The following CFAP46 variants were observed in gnomAD, a reference collection of about 807,000 sequenced individuals.
The protein encoded by CFAP46 is cilia- and flagella-associated protein 46.
A neutral mutation model predicts 325.7 loss-of-function variants in CFAP46; 245 were observed. That is an observed-to-expected ratio of 0.75 (90% confidence interval 0.68 to 0.84). CFAP46 has a LOEUF of 0.84. CFAP46 is among the 40% of genes least tolerant of loss of function. The pLI is 0.00. For synonymous variants in CFAP46, 1,523 were observed against 1,495.9 expected, an observed-to-expected ratio of 1.02 and a Z score of -0.42; for missense variants, 3,346 against 3,543.0, an observed-to-expected ratio of 0.94 and a Z score of 1.41.
chr10:132,834,460 TGG>T (rs2135002901), intron 48 of CFAP46, among the ~76,000 whole-genome samples, 192 bp downstream of exon 48: 1 of 152,202 alleles, frequency 6.6e-6, no homozygotes, highest in East Asian at 1.9e-4. Flanking sequence ...CAGTGGGCAG[TGG>T]GCAGTACTCC....
At chr10:132,932,536 C>G (rs372498660) in intron 8 of CFAP46, among the ~76,000 whole-genome samples, 31 of 117,646 alleles carry the variant, frequency 2.6e-4, no homozygotes, top group African/African-American at 1.1e-3. Flanking sequence ...GGGCCTGGGT[C>G]TTCCCACGCT....
At chr10:132,908,326 T>C (rs1268659987) in intron 22 of CFAP46, 142 bp downstream of exon 22, 22 of 1,002,434 alleles carry the variant, frequency 2.2e-5, no homozygotes, top group Non-Finnish European at 4.3e-6. Flanking sequence ...CCCTGATCTG[T>C]GATCGCGGCC....
chr10:132,924,091 G>T (rs1244675566), intron 11 of CFAP46, among the ~76,000 whole-genome samples: 1 of 152,012 alleles, frequency 6.6e-6, no homozygotes, highest in Non-Finnish European at 1.5e-5. Context: ...CTGAGATCAG[G>T]GCTGTGATTC....
intron 18 of CFAP46, 93 bp downstream of exon 18, chr10:132,912,953 G>C: frequency 6.7e-7 from 1 of 1,488,450 alleles, no homozygotes; most frequent in Non-Finnish European, 9.1e-7. Flanking sequence ...CTGGGACACA[G>C]AGGGCCATGG....
intron 43 of CFAP46, 34 bp from the exon 44 acceptor site, chr10:132,846,261 C>T (rs112615390): frequency 0.027 from 42,713 of 1,602,576 alleles, 1,973 homozygotes; most frequent in African/African-American, 0.2. Flanking sequence ...ACCAGGGGCC[C>T]GAGGCCTGGG....
chr10:132,909,999 G>A lies in CFAP46; in HGVS notation c.2569C>T (p.Gln857Ter), dbSNP rs1210786813. The A allele has an allele frequency of 6.5e-7, 1 of 1,543,504 alleles. No homozygotes were observed. The highest frequency in any genetic ancestry group is 2.5e-5 in the East Asian group (1 of 40,062). The part of the protein sequence containing the change: ...PEETVPTGTR[Q>*]QLIATWVKAK... ...TTGACCCAGGTGGCGATAAGCTGCT[G>A]CCGGGTGCCGGTGGGCACCGTCTCC... The change falls in exon 20 of 58, where the codon CAG (glutamine) becomes TAG (stop). Residue 857 changes from glutamine to a stop codon, truncating the protein, a stop_gained. Transcript: ENST00000368586. LOFTEE classifies it high-confidence loss of function.
intron 39 of CFAP46, among the ~76,000 whole-genome samples, chr10:132,853,589 C>T (rs188165087): frequency 6.6e-6 from 1 of 151,918 alleles, no homozygotes; most frequent in Non-Finnish European, 1.5e-5. Flanking sequence ...GTGTAGAACT[C>T]GTATTATTTT....
At chr10:132,848,662 C>T (rs12354572) in intron 41 of CFAP46, among the ~76,000 whole-genome samples, 7,546 of 152,278 alleles carry the variant, frequency 0.05, 257 homozygotes, top group Non-Finnish European at 0.07. Flanking sequence ...AAGGAAGTCA[C>T]AAGAACAGCG....
intron 7 of CFAP46, among the ~76,000 whole-genome samples, chr10:132,936,188 AGC>A (rs1850001501): frequency 1.5e-5 from 1 of 66,256 alleles, no homozygotes; most frequent in Admixed American, 1.9e-4. Context: ...CACTCCCCTC[AGC>A]CCCCAAACAC....
intron 22 of CFAP46, among the ~76,000 whole-genome samples, chr10:132,907,103 T>C (rs4880282): frequency 0.37 from 55,973 of 152,258 alleles, 10,540 homozygotes; most frequent in Admixed American, 0.5. Context: ...TGTGCAGGGC[T>C]GTGGGAAGAT....
At chr10:132,823,442 G>T (rs1305653570) in intron 50 of CFAP46, among the ~76,000 whole-genome samples, 1 of 140,684 alleles carries the variant, frequency 7.1e-6, no homozygotes, top group Admixed American at 7.0e-5. Context: ...TGTGCTGTGT[G>T]TGCTGATGTG....
intron 31 of CFAP46, among the ~76,000 whole-genome samples, chr10:132,873,174 T>A (rs1245802636): frequency 6.6e-6 from 1 of 152,264 alleles, no homozygotes; most frequent in Non-Finnish European, 1.5e-5. Flanking sequence ...AATTTCTTTG[T>A]GTGCACACAC....
At chr10:132,824,910 G>A (rs1848008487) in intron 50 of CFAP46, among the ~76,000 whole-genome samples, 1 of 143,090 alleles carries the variant, frequency 7.0e-6, no homozygotes. Flanking sequence ...GAGTGCTAAT[G>A]TGTGCTGTGT....
Position 132,860,809 on chromosome 10 carries a change from G to A in CFAP46, c.5064C>T (p.Ser1688=). 1.3e-6 allele frequency: 2 copies of A among 1,551,084 alleles called. No individual in the cohort carries two copies. The highest frequency in any genetic ancestry group is 8.7e-7 in the Non-Finnish European group (1 of 1,147,104). ...TAGCTTCCCTTCCTGAGTGTTCCAT[G>A]GACAAGAGCGCCTCTGCCAGGGTCA... ...STLTLAEALL[S]MEHSGREATV... is the part of the protein sequence containing the mutation. Residue 1688 remains serine (S), a synonymous_variant, in exon 36 of 58, where the codon TCC becomes TCT. Coordinates refer to ENST00000368586, the MANE Select transcript of CFAP46 (RefSeq NM_001200049.3).
At chr10:132,932,649 G>GGC (rs1272967247) in intron 8 of CFAP46, among the ~76,000 whole-genome samples, 2 of 152,196 alleles carry the variant, frequency 1.3e-5, no homozygotes, top group African/African-American at 4.8e-5. Flanking sequence ...ACAGAGCCTG[G>GGC]GCCTTCCTAC....
intron 50 of CFAP46, among the ~76,000 whole-genome samples, chr10:132,822,454 G>A (rs1403400289): frequency 6.9e-6 from 1 of 144,350 alleles, no homozygotes; most frequent in Non-Finnish European, 1.5e-5. Context: ...AGTGATGTGT[G>A]CTGTGTGAGT....
At position 132,898,936 on chromosome 10, in the gene CFAP46, A is replaced by G. The variant is rs1402618038; in HGVS notation, c.3219+23T>C. ...ACTAGAGGCCTCAGTGGGAGTCAGG[A>G]GCCCCCTCCAGGGCTGGTGCACCTG... On this transcript the variant is annotated intron_variant, in intron 24 of 57. Coordinates refer to ENST00000368586, the MANE Select transcript of CFAP46 (RefSeq NM_001200049.3). 5 of 1,550,204 alleles carry G rather than the reference A, an allele frequency of 3.2e-6. No homozygotes were observed. The South Asian group carries it at 3.6e-5, about 11-fold the overall frequency.
Position 132,834,918 on chromosome 10 carries a change from AG to A in CFAP46, c.6745-144del, listed in dbSNP as rs1848214585. The A allele has an allele frequency of 2.5e-6, 3 of 1,205,984 alleles. No individual in the cohort carries two copies. The South Asian group carries it at 4.8e-5, about 19-fold the overall frequency. The allele number at this position is 1,205,984 out of a possible 1,614,324, so 74.7% of individuals were successfully genotyped here. A position where few individuals can be genotyped will look rare whatever the true frequency, so the allele number is the denominator to read the frequency against. On this transcript the variant is annotated intron_variant, in intron 47 of 57. Coordinates refer to ENST00000368586, the MANE Select transcript of CFAP46 (RefSeq NM_001200049.3). ...GACAAGGGCACCTGGCTCGGCAACG[AG>A]GGCCCCATAGCACCTGGCCCATCCT...
At position 132,877,758 on chromosome 10, in the gene CFAP46, A is replaced by C; in HGVS notation, c.4212+123T>G. On this transcript the variant is annotated intron_variant, in intron 30 of 57. Transcript: ENST00000368586. The surrounding 1 kb of genome is among the most constrained non-coding windows in gnomAD (Gnocchi z 5.7). ...AGGCAGGGAAACTGAGGCACAGGCC[A>C]TCCCGGGCCCGGCCTCTGCACTGAG... 2.0e-6 allele frequency: 2 copies of C among 1,011,360 alleles called. No individual in the cohort carries two copies. Among genetic ancestry groups the C allele is most frequent in the Non-Finnish European group, 2.9e-6 (2 of 693,114 alleles). 62.6% of individuals were successfully genotyped at this position (1,011,360 alleles called of 1,614,324 possible). A position where few individuals can be genotyped will look rare whatever the true frequency, so the allele number is the denominator to read the frequency against.
Sources: gnomAD v4.1 joint callset for allele counts (sites outside exome capture counted in the v4.1 genomes callset) on GRCh38, gnomAD v4.1.1 for gene constraint, Gnocchi (gnomAD v3.1) non-coding constraint, MANE v1.5 for transcripts, NCBI Gene and HGNC (gene_info 2026-07-23, HGNC 2026-07-21) for gene names.